Variants in JDP2 observed in about 807,000 individuals in gnomAD.
JDP2 encodes the protein Jun dimerization protein 2, also known as progesterone receptor co-activator.
JDP2 carries 9 observed loss-of-function variants against 17.1 expected under a neutral mutation model. The ratio of observed to expected loss-of-function variants is 0.53; its 90% CI spans 0.32 to 0.92. The LOEUF (loss-of-function observed/expected upper bound fraction) is 0.92. JDP2 is among the 40% of genes least tolerant of loss of function. JDP2 has a pLI of 0.04. For missense variants in JDP2, 179 were observed against 220.0 expected (o/e 0.81, Z 1.18); for synonymous variants, 107 against 95.6 (o/e 1.12, Z -0.69).
intron 1 of JDP2, among the ~76,000 whole-genome samples, chr14:75,432,599 G>C (rs1426651838): frequency 1.3e-5 from 2 of 152,138 alleles, no homozygotes; most frequent in Admixed American, 6.5e-5. Flanking sequence ...ACCAAACCTT[G>C]AACCTTAGAC....
chr14:75,469,548 C>A lies in JDP2; in HGVS notation c.*73C>A. The A allele has an allele frequency of 7.7e-7, 1 of 1,299,200 alleles. No individual in the cohort carries two copies. The highest frequency in any genetic ancestry group is 1.1e-6 in the Non-Finnish European group (1 of 933,280). The allele number at this position is 1,299,200 out of a possible 1,614,324, so 80.5% of individuals were successfully genotyped here. On this transcript the variant is annotated 3_prime_UTR_variant, in exon 4 of 4. Transcript: ENST00000651602. ...TGACGAAGAGAGAGGAGGAGGGGGG[C>A]CCCAGATGGCCCTTCCTTTGGTGCA...
chr14:75,445,345 C>T, intron 2 of JDP2: 1 of 985,480 alleles, frequency 1.0e-6, no homozygotes, highest in Non-Finnish European at 1.2e-6. Flanking sequence ...TTGTGTACAA[C>T]CTGCCATATG....
At chr14:75,439,905 C>T (rs765104532) in intron 2 of JDP2, among the ~76,000 whole-genome samples, 5 of 152,154 alleles carry the variant, frequency 3.3e-5, no homozygotes, top group Admixed American at 6.5e-5. Flanking sequence ...ACTAAGGCTG[C>T]GCATGGGGTT....
At chr14:75,452,015 C>A (rs1000560494) in intron 2 of JDP2, among the ~76,000 whole-genome samples, 3 of 152,198 alleles carry the variant, frequency 2.0e-5, no homozygotes, top group African/African-American at 7.2e-5. Flanking sequence ...ACATCCTGGG[C>A]TCAAGCAATC....
chr14:75,449,226 C>T (rs1885742632), intron 2 of JDP2, among the ~76,000 whole-genome samples: 1 of 152,176 alleles, frequency 6.6e-6, no homozygotes. Context: ...CCTTGTTTTT[C>T]ACCTTCATGA....
At chr14:75,433,329 C>T (rs12587854) in intron 1 of JDP2, among the ~76,000 whole-genome samples, 11,359 of 143,420 alleles carry the variant, frequency 0.079, 1,076 homozygotes, top group African/African-American at 0.22. Context: ...TACAGATTTA[C>T]ACACAAAAAA....
rs1886840623 is a variant in JDP2 at position 75,472,686 on chromosome 14, C to T, written c.*3211C>T. The stretch of plus-strand genomic sequence containing the variant: ...TACAAAGTGTTTTGTGAAATAAAAG[C>T]TCCCTAAAATGGTAATTATTTTGTC... On this transcript the variant is annotated 3_prime_UTR_variant, in exon 4 of 4. Transcript: ENST00000651602. 1 of 152,244 alleles carries T rather than the reference C, an allele frequency of 6.6e-6. No individual in the cohort carries two copies. The highest frequency in any genetic ancestry group is 2.1e-4 in the South Asian group (1 of 4,834). The allele number at this position is 152,244 out of a possible 1,614,324, so 9.4% of individuals were successfully genotyped here. A position where few individuals can be genotyped will look rare whatever the true frequency, so the allele number is the denominator to read the frequency against.
At chr14:75,435,297 T>C (rs1885012109) in intron 1 of JDP2, among the ~76,000 whole-genome samples, 1 of 152,184 alleles carries the variant, frequency 6.6e-6, no homozygotes, top group Non-Finnish European at 1.5e-5. Flanking sequence ...GTTTGGGGGA[T>C]CAGAGAACAT....
chr14:75,438,328 G>A (rs943209278), intron 2 of JDP2, among the ~76,000 whole-genome samples: 3 of 152,090 alleles, frequency 2.0e-5, no homozygotes, highest in Non-Finnish European at 2.9e-5. Flanking sequence ...ATTCGTGGAC[G>A]TATTAACACT....
intron 2 of JDP2, among the ~76,000 whole-genome samples, chr14:75,458,638 T>C (rs1487092386): frequency 6.6e-6 from 1 of 152,234 alleles, no homozygotes; most frequent in African/African-American, 2.4e-5. Flanking sequence ...TACACATGCC[T>C]GTGTCTTTAT....
chr14:75,473,601 TGTG>T lies in JDP2; in HGVS notation c.*4129_*4131del, dbSNP rs1457863709. On this transcript the variant is annotated 3_prime_UTR_variant, in exon 4 of 4. Transcript: ENST00000651602. ...ATGATCAGCATAAGAACAAATAAAT[TGTG>T]GTATTTTCCTAAAATTGAATATTAC... 6.6e-6 allele frequency: 1 copy of T among 152,144 alleles called. No homozygotes were observed. The highest frequency in any genetic ancestry group is 1.5e-5 in the Non-Finnish European group (1 of 68,022). 9.4% of individuals were successfully genotyped at this position (152,144 alleles called of 1,614,324 possible). A position where few individuals can be genotyped will look rare whatever the true frequency, so the allele number is the denominator to read the frequency against.
chr14:75,461,156 A>T (rs1886330796), intron 2 of JDP2, among the ~76,000 whole-genome samples: 1 of 152,212 alleles, frequency 6.6e-6, no homozygotes, highest in South Asian at 2.1e-4. Flanking sequence ...TAAGTTTCTA[A>T]CACTTGAAGT....
At chr14:75,444,915 G>T (rs1306185911) in intron 2 of JDP2, among the ~76,000 whole-genome samples, 2 of 152,278 alleles carry the variant, frequency 1.3e-5, no homozygotes, top group South Asian at 2.1e-4. Flanking sequence ...AACTATAAAT[G>T]AGAAGGCTTT....
Position 75,470,504 on chromosome 14 carries a change from C to T in JDP2, c.*1029C>T, listed in dbSNP as rs1886779503. 1 of 152,484 alleles carries T rather than the reference C, an allele frequency of 6.6e-6. No homozygotes were observed. The highest frequency in any genetic ancestry group is 2.4e-5 in the African/African-American group (1 of 41,458). 9.4% of individuals were successfully genotyped at this position (152,484 alleles called of 1,614,324 possible). A position where few individuals can be genotyped will look rare whatever the true frequency, so the allele number is the denominator to read the frequency against. ...CTGGGGAATGGGTGCAAGGCCCTCT[C>T]AGGGTCGGAGACTGTTTGGAGCCTC... On this transcript the variant is annotated 3_prime_UTR_variant, in exon 4 of 4. Transcript: ENST00000651602.
rs914427018 is a variant in JDP2, at chr14:75,464,642, GTA to G, written c.306+3118_306+3119del. Among the ~76,000 whole-genome samples, 122 of 152,276 alleles carry G rather than the reference GTA, an allele frequency of 8.0e-4. 1 individual carries two copies. The highest frequency in any genetic ancestry group is 2.5e-3 in the African/African-American group (105 of 41,552). Reference sequence around the variant, plus strand: ...CGCCCATGGCTACTGAGAGACAACTGTATATATGTCATAGGTAAAAAGCCACC... The same window carrying G: ...CGCCCATGGCTACTGAGAGACAACTGTATATGTCATAGGTAAAAAGCCACC... On this transcript the variant is annotated intron_variant, in intron 3 of 3. Coordinates refer to ENST00000651602, the MANE Select transcript of JDP2 (RefSeq NM_001135048.2).
Position 75,469,396 on chromosome 14 carries a change from C to T in JDP2, c.413C>T (p.Thr138Ile). The change falls in exon 4 of 4, where the codon ACC becomes ATC. Residue 138 changes from threonine to isoleucine, a missense_variant. By Grantham distance (89) the Thr-to-Ile change is moderately conservative. Coordinates refer to ENST00000651602, the MANE Select transcript of JDP2 (RefSeq NM_001135048.2). ...LILMLNRHRP[T>I]CIVRTDSVKT... ...CTGATGCTGAACCGACACCGCCCCA[C>T]CTGCATCGTCCGGACCGACAGTGTC... 6.2e-7 allele frequency: 1 copy of T among 1,614,164 alleles called. No homozygotes were observed. Among genetic ancestry groups the T allele is most frequent in the Non-Finnish European group, 8.5e-7 (1 of 1,180,028 alleles).
chr14:75,462,418 G>T (rs1886381689), intron 3 of JDP2, among the ~76,000 whole-genome samples: 1 of 152,118 alleles, frequency 6.6e-6, no homozygotes, highest in Non-Finnish European at 1.5e-5. Flanking sequence ...TGTAAAGTTG[G>T]GTGCTGTGCT....
chr14:75,453,856 C>T (rs544376727), intron 2 of JDP2, among the ~76,000 whole-genome samples: 43 of 152,324 alleles, frequency 2.8e-4, no homozygotes, highest in Middle Eastern at 3.4e-3. Flanking sequence ...AACCCTCAGA[C>T]TTGGGCTACT....
At chr14:75,448,476 GGTTAAA>G (rs1278595163) in intron 2 of JDP2, among the ~76,000 whole-genome samples, 1 of 152,100 alleles carries the variant, frequency 6.6e-6, no homozygotes, top group East Asian at 1.9e-4. Flanking sequence ...ATCTGAGAAT[GGTTAAA>G]GGATCTAAAA....
Sources: allele counts gnomAD v4.1 joint callset (sites outside exome capture counted in the v4.1 genomes callset), GRCh38; gene constraint gnomAD v4.1.1; transcripts MANE v1.5; gene names NCBI Gene and HGNC (gene_info 2026-07-23, HGNC 2026-07-21).